The following ARHGAP15 variants were observed in gnomAD, a reference collection of about 807,000 sequenced individuals.
ARHGAP15 encodes the protein rho GTPase-activating protein 15.
A neutral mutation model predicts 63.7 loss-of-function variants in ARHGAP15; 51 were observed. The ratio of observed to expected loss-of-function variants is 0.80; its 90% CI spans 0.64 to 1.01. The LOEUF (loss-of-function observed/expected upper bound fraction) is 1.01, where lower values mean the gene tolerates loss of function less well. Ranked by LOEUF, ARHGAP15 falls within the 50% of genes least tolerant of loss-of-function variation. The pLI, the probability that ARHGAP15 is intolerant of heterozygous loss-of-function variation, is 0.00. For missense variants in ARHGAP15, 560 were observed against 564.6 expected (o/e 0.99, Z 0.08); for synonymous variants, 191 against 193.8 (o/e 0.99, Z 0.12).
At chr2:143,648,018 T>C (rs952413702) in intron 12 of ARHGAP15, among the ~76,000 whole-genome samples, 1 of 151,996 alleles carries the variant, frequency 6.6e-6, no homozygotes, top group Non-Finnish European at 1.5e-5. Flanking sequence ...ATTAGTCCAC[T>C]CAGAGGATTG....
At chr2:143,732,570 C>G (rs1406693362) in intron 13 of ARHGAP15, among the ~76,000 whole-genome samples, 6 of 152,072 alleles carry the variant, frequency 3.9e-5, no homozygotes, top group Non-Finnish European at 5.9e-5. Flanking sequence ...TTTAGCCAAG[C>G]ATAGAACTAT....
At chr2:143,587,880 A>G (rs1350379347) in intron 11 of ARHGAP15, 3 of 339,462 alleles carry the variant, frequency 8.8e-6, no homozygotes, top group South Asian at 8.2e-5. Context: ...GAAGAGCAGA[A>G]AAGAAGTCTA....
intron 12 of ARHGAP15, among the ~76,000 whole-genome samples, chr2:143,677,902 GCTTT>G (rs2105364128): frequency 6.6e-6 from 1 of 152,272 alleles, no homozygotes; most frequent in African/African-American, 2.4e-5. Context: ...AGGAAGAGAG[GCTTT>G]CTTATGAAAA....
At chr2:143,279,811 C>T (rs998656608) in intron 6 of ARHGAP15, among the ~76,000 whole-genome samples, 90 of 152,134 alleles carry the variant, frequency 5.9e-4, no homozygotes, top group African/African-American at 2.0e-3. Flanking sequence ...TAGCACATCC[C>T]TGTGTGTTTT....
At chr2:143,303,087 A>C (rs1045904236) in intron 6 of ARHGAP15, among the ~76,000 whole-genome samples, 1 of 152,108 alleles carries the variant, frequency 6.6e-6, no homozygotes. Context: ...AATACCATTC[A>C]GGATGTAGGC....
chr2:143,417,488 T>C (rs1688740539), intron 6 of ARHGAP15, among the ~76,000 whole-genome samples: 1 of 152,156 alleles, frequency 6.6e-6, no homozygotes, highest in Non-Finnish European at 1.5e-5. Flanking sequence ...TATGGATAAT[T>C]AGATACTCTT....
intron 9 of ARHGAP15, among the ~76,000 whole-genome samples, chr2:143,492,622 C>T (rs1047029340): frequency 6.6e-6 from 1 of 151,820 alleles, no homozygotes; most frequent in Non-Finnish European, 1.5e-5. Context: ...GTTAGCCAGG[C>T]GTGGTGATGC....
intron 12 of ARHGAP15, among the ~76,000 whole-genome samples, chr2:143,647,359 T>TAAAAAAAAAAAAA (rs79292470): frequency 7.3e-6 from 1 of 136,510 alleles, no homozygotes; most frequent in African/African-American, 2.7e-5. Flanking sequence ...ACCAAGTAGT[T>TAAAAAAAAAAAAA]AAAAAAAAAA....
At chr2:143,152,898 T>C (rs1304508728) in intron 1 of ARHGAP15, among the ~76,000 whole-genome samples, 1 of 151,752 alleles carries the variant, frequency 6.6e-6, no homozygotes, top group Non-Finnish European at 1.5e-5. Context: ...GAAATAACAT[T>C]AACATTGTGG....
chr2:143,387,706 GA>G (rs775138790), intron 6 of ARHGAP15, among the ~76,000 whole-genome samples: 1,841 of 140,764 alleles, frequency 0.013, 8 homozygotes, highest in African/African-American at 0.022. Context: ...TCCCAAAATA[GA>G]AAAAAAAAAA....
At chr2:143,258,883 T>C (rs1680564736) in intron 6 of ARHGAP15, among the ~76,000 whole-genome samples, 1 of 152,162 alleles carries the variant, frequency 6.6e-6, no homozygotes, top group Non-Finnish European at 1.5e-5. Context: ...TCTAACAGTC[T>C]CACTTTCTGG....
intron 6 of ARHGAP15, among the ~76,000 whole-genome samples, chr2:143,293,346 A>G (rs1682492093): frequency 6.6e-6 from 1 of 151,976 alleles, no homozygotes. Flanking sequence ...GTGTTTCTAC[A>G]CTCTTAACAT....
intron 8 of ARHGAP15, among the ~76,000 whole-genome samples, chr2:143,448,004 G>A (rs1300722979): frequency 6.6e-6 from 1 of 152,136 alleles, no homozygotes; most frequent in Non-Finnish European, 1.5e-5. Flanking sequence ...GCAGAAGAGA[G>A]CCAGGGAAGA....
chr2:143,716,223 G>T (rs1017579170), intron 13 of ARHGAP15, among the ~76,000 whole-genome samples: 1 of 152,068 alleles, frequency 6.6e-6, no homozygotes, highest in African/African-American at 2.4e-5. Context: ...ATGTTAAAAG[G>T]GTGCAAGCAC....
At chr2:143,531,935 G>GA (rs1019267624) in intron 10 of ARHGAP15, among the ~76,000 whole-genome samples, 2 of 152,054 alleles carry the variant, frequency 1.3e-5, no homozygotes, top group African/African-American at 2.4e-5. Flanking sequence ...ACTTTACTGG[G>GA]AAAAAAAGTA....
At chr2:143,499,059 T>A (rs141196415) in intron 9 of ARHGAP15, among the ~76,000 whole-genome samples, 2 of 152,290 alleles carry the variant, frequency 1.3e-5, no homozygotes, top group African/African-American at 4.8e-5. Context: ...TCCCTCAAAT[T>A]TGCTTTTTTG....
intron 13 of ARHGAP15, among the ~76,000 whole-genome samples, chr2:143,732,367 A>G (rs1320617954): frequency 6.6e-6 from 1 of 152,076 alleles, no homozygotes; most frequent in Non-Finnish European, 1.5e-5. Flanking sequence ...CTTCACCTTT[A>G]TTGTCTTAGT....
At chr2:143,416,828 CACCCCCACGCCCCCACG>C (rs1688706209) in intron 6 of ARHGAP15, among the ~76,000 whole-genome samples, 1 of 55,010 alleles carries the variant, frequency 1.8e-5, no homozygotes, top group Non-Finnish European at 3.8e-5. Context: ...ACCACCCCCC[CACCCCCACGCCCCCACG>C]CCCCCACGCC....
chr2:143,402,580 G>T (rs552352577), intron 6 of ARHGAP15, among the ~76,000 whole-genome samples: 2 of 150,116 alleles, frequency 1.3e-5, no homozygotes, highest in Non-Finnish European at 3.0e-5. Flanking sequence ...AAATTGGAAG[G>T]GGGGGTGGGT....
Sources: gnomAD v4.1 joint callset for allele counts (sites outside exome capture counted in the v4.1 genomes callset) on GRCh38, gnomAD v4.1.1 for gene constraint, MANE v1.5 for transcripts, NCBI Gene and HGNC (gene_info 2026-07-23, HGNC 2026-07-21) for gene names.